GPR83: variants seen among roughly 807,000 people sequenced by gnomAD.
GPR83 encodes G-protein coupled receptor 72.
GPR83 carries 23 observed loss-of-function variants against 28.0 expected under a neutral mutation model. The observed-to-expected ratio is 0.82, with a 90% CI of 0.59 to 1.16. GPR83 has a LOEUF of 1.16. Ranked by LOEUF, GPR83 falls within the 50% of genes most tolerant of loss-of-function variation. The pLI, the probability that GPR83 is intolerant of heterozygous loss-of-function variation, is 0.00. For synonymous variants in GPR83, 234 were observed against 215.4 expected (o/e 1.09, Z -0.76); for missense variants, 610 against 536.6 (o/e 1.14, Z -1.35).
chr11:94,386,684 T>G (rs1944760282), intron 3 of GPR83, among the ~76,000 whole-genome samples: 1 of 152,162 alleles, frequency 6.6e-6, no homozygotes, highest in African/African-American at 2.4e-5. Flanking sequence ...AAGCAAGTCC[T>G]TAGAGACCTA....
Position 94,378,144 on chromosome 11 carries a change from C to T in GPR83, c.*2005G>A, listed in dbSNP as rs1003527963. The T allele has an allele frequency of 3.9e-5, 6 of 152,110 alleles. No homozygotes were observed. Among genetic ancestry groups the T allele is most frequent in the Non-Finnish European group, 1.5e-5 (1 of 68,032 alleles). 9.4% of individuals were successfully genotyped at this position (152,110 alleles called of 1,614,324 possible). On this transcript the variant is annotated 3_prime_UTR_variant, in exon 4 of 4. Transcript: ENST00000243673. ...AAGACTCTGTCTGCCCAATGAAAGT[C>T]ATGGTTTTGCCCATAATTCAGTGAG...
chr11:94,383,762 ATCTTCCCAAGTC>A (rs1410584026), intron 3 of GPR83, among the ~76,000 whole-genome samples: 2 of 152,212 alleles, frequency 1.3e-5, no homozygotes, highest in African/African-American at 4.8e-5. Flanking sequence ...GGACACATAC[ATCTTCCCAAGTC>A]TAAATCAGGA....
intron 1 of GPR83, among the ~76,000 whole-genome samples, chr11:94,397,147 G>C (rs1308835577): frequency 6.6e-6 from 1 of 152,162 alleles, no homozygotes; most frequent in East Asian, 1.9e-4. Context: ...ATCATCTGGG[G>C]AGGACACCCA....
At position 94,401,128 on chromosome 11, in the gene GPR83, G is replaced by C; in HGVS notation, c.120C>G (p.His40Gln). 6.2e-7 allele frequency: 1 copy of C among 1,614,242 alleles called. No individual in the cohort carries two copies. The highest frequency in any genetic ancestry group is 8.5e-7 in the Non-Finnish European group (1 of 1,180,046). The part of the protein sequence containing the change: ...EAALAVPNAS[H>Q]FFSWNNYTFS... Reference sequence around the variant, plus strand: ...AGGTGTAGTTGTTCCAAGAGAAGAAGTGCGAGGCATTGGGCACGGCCAGGG... The same window carrying C: ...AGGTGTAGTTGTTCCAAGAGAAGAACTGCGAGGCATTGGGCACGGCCAGGG... The change falls in exon 1 of 4, where the codon CAC (histidine) becomes CAG (glutamine). Residue 40 changes from histidine (H) to glutamine (Q), a missense_variant. Coordinates refer to ENST00000243673, the MANE Select transcript of GPR83 (RefSeq NM_016540.4).
chr11:94,382,134 C>A (rs1359708616), intron 3 of GPR83, among the ~76,000 whole-genome samples: 3 of 151,986 alleles, frequency 2.0e-5, no homozygotes, highest in Admixed American at 2.0e-4. Context: ...GGGCGGATCA[C>A]CTGAGGTCAG....
Position 94,396,511 on chromosome 11 carries a change from T to C in GPR83, c.401A>G (p.Asn134Ser). The change falls in exon 2 of 4, where the codon AAC (asparagine) becomes AGC (serine). Residue 134 changes from asparagine (N) to serine (S), a missense_variant. Asn to Ser is a conservative substitution (Grantham distance 46). Transcript: ENST00000243673. ...GCCCTTCCCAAATATCCATGTGCTG[T>C]TCACAAAGCGAACCTGGAGATGAGC... The part of the protein sequence containing the change: ...NTPFTLVRFV[N>S]STWIFGKGMC... 6.2e-7 allele frequency: 1 copy of C among 1,613,826 alleles called. No homozygotes were observed. The highest frequency in any genetic ancestry group is 8.5e-7 in the Non-Finnish European group (1 of 1,179,726).
At chr11:94,381,037 A>G (rs985251788) in intron 3 of GPR83, among the ~76,000 whole-genome samples, 3 of 152,150 alleles carry the variant, frequency 2.0e-5, no homozygotes, top group African/African-American at 7.2e-5. Flanking sequence ...CACAGTAGAG[A>G]CCCAATACAT....
At chr11:94,394,350 G>A (rs1459749917) in intron 2 of GPR83, among the ~76,000 whole-genome samples, 1 of 152,126 alleles carries the variant, frequency 6.6e-6, no homozygotes, top group Non-Finnish European at 1.5e-5. Flanking sequence ...AATCTCACCA[G>A]GGCCCAGCTC....
chr11:94,382,539 C>T (rs981987752), intron 3 of GPR83, among the ~76,000 whole-genome samples: 4 of 152,052 alleles, frequency 2.6e-5, no homozygotes, highest in Non-Finnish European at 5.9e-5. Context: ...AAAGTAAGTT[C>T]TCAGAGACCT....
rs1472000789 is a variant in GPR83, at chr11:94,378,740, C to T, written c.*1409G>A. ...AGCTTGGGAGGATGAGGTGTCTAAG[C>T]ACAATTACTTCCAGCATATTGGAAA... On this transcript the variant is annotated 3_prime_UTR_variant, in exon 4 of 4. Transcript: ENST00000243673. 1 of 152,614 alleles carries T rather than the reference C, an allele frequency of 6.6e-6. No individual in the cohort carries two copies. The highest frequency in any genetic ancestry group is 1.5e-5 in the Non-Finnish European group (1 of 68,040). 9.5% of individuals were successfully genotyped at this position (152,614 alleles called of 1,614,324 possible).
At chr11:94,386,977 C>T (rs886329242) in intron 3 of GPR83, among the ~76,000 whole-genome samples, 2 of 152,182 alleles carry the variant, frequency 1.3e-5, no homozygotes, top group Admixed American at 6.5e-5. Flanking sequence ...AACAAACTCT[C>T]TCCCAGAACA....
chr11:94,380,692 G>A lies in GPR83; in HGVS notation c.729C>T (p.Thr243=), dbSNP rs1944678546. 1 of 1,613,692 alleles carries A rather than the reference G, an allele frequency of 6.2e-7. No individual in the cohort carries two copies. Residue 243 remains threonine, a synonymous_variant, in exon 4 of 4, where the codon ACC becomes ACT. Transcript: ENST00000243673. ...GGGGCAGGATGTAGAGCAGGATGAA[G>A]GTGGCCAAGTCCAGGTACTTCCAGA... The part of the protein sequence containing the change: ...DLFWKYLDLA[T]FILLYILPLL...
intron 1 of GPR83, among the ~76,000 whole-genome samples, chr11:94,398,265 T>C (rs1316739162): frequency 2.0e-5 from 3 of 151,716 alleles, no homozygotes; most frequent in African/African-American, 7.3e-5. Context: ...GGAATCATCC[T>C]GGCTCTCAGG....
At chr11:94,384,785 C>A (rs555659986) in intron 3 of GPR83, among the ~76,000 whole-genome samples, 2 of 152,300 alleles carry the variant, frequency 1.3e-5, no homozygotes, top group South Asian at 2.1e-4. Context: ...AGGGAATAGC[C>A]AAACAAAAGG....
At chr11:94,392,276 G>A (rs1944823995) in intron 3 of GPR83, among the ~76,000 whole-genome samples, 1 of 151,890 alleles carries the variant, frequency 6.6e-6, no homozygotes, top group Non-Finnish European at 1.5e-5. Flanking sequence ...TTAACAATGA[G>A]AACACATGGA....
chr11:94,393,848 C>T (rs1283544823), intron 2 of GPR83, among the ~76,000 whole-genome samples: 1 of 152,086 alleles, frequency 6.6e-6, no homozygotes, highest in East Asian at 1.9e-4. Context: ...ATCTGGATGG[C>T]ACGGCTCACT....
chr11:94,382,927 G>A (rs1049613282), intron 3 of GPR83, among the ~76,000 whole-genome samples: 8 of 152,088 alleles, frequency 5.3e-5, no homozygotes, highest in African/African-American at 1.9e-4. Context: ...CACTTTCGGA[G>A]GCCAAGGCGG....
intron 2 of GPR83, among the ~76,000 whole-genome samples, chr11:94,396,145 A>G (rs1465933022): frequency 1.3e-5 from 2 of 152,158 alleles, no homozygotes; most frequent in African/African-American, 4.8e-5. Context: ...GCTTGAACCC[A>G]GGAGGCGGAG....
At position 94,393,476 on chromosome 11, in the gene GPR83, T is replaced by A; in HGVS notation, c.647+9A>T. Reference sequence around the variant, plus strand: ...AGTCCCCAGGCAGATCCCAACGAATTCATCTCACCTGTATTTGAAGGTAAA... The same window carrying A: ...AGTCCCCAGGCAGATCCCAACGAATACATCTCACCTGTATTTGAAGGTAAA... On this transcript the variant is annotated intron_variant, in intron 3 of 3. Transcript: ENST00000243673. The A allele has an allele frequency of 6.2e-7, 1 of 1,613,662 alleles. No individual in the cohort carries two copies. Among genetic ancestry groups the A allele is most frequent in the Non-Finnish European group, 8.5e-7 (1 of 1,179,712 alleles).
Sources: gnomAD v4.1 joint callset for allele counts (sites outside exome capture counted in the v4.1 genomes callset) on GRCh38, gnomAD v4.1.1 for gene constraint, MANE v1.5 for transcripts, NCBI Gene and HGNC (gene_info 2026-07-23, HGNC 2026-07-21) for gene names.